GLIS3: variants seen among roughly 807,000 people sequenced by gnomAD.
GLIS3 encodes the protein zinc finger protein GLIS3.
A neutral mutation model predicts 78.6 loss-of-function variants in GLIS3; 53 were observed. The ratio of observed to expected loss-of-function variants is 0.67; its 90% confidence interval spans 0.54 to 0.85. The LOEUF is 0.85. Ranked by LOEUF, GLIS3 falls within the 40% of genes least tolerant of loss-of-function variation. The pLI is 0.00. For missense variants in GLIS3, 1,703 were observed against 1,231.1 expected (o/e 1.38, Z -5.74); for synonymous variants, 684 against 509.9 (o/e 1.34, Z -4.60).
rs915663319 is a variant in GLIS3, at chr9:4,314,812, G to T, written n.265-4284C>A. 3.3e-5 allele frequency among the ~76,000 whole-genome samples: 5 copies of T among 152,158 alleles called. No individual in the cohort carries two copies. The South Asian group carries it at 1.0e-3, about 32-fold the overall frequency. On this transcript the variant is annotated intron_variant and non_coding_transcript_variant, in intron 2 of 4. Coordinates refer to the GLIS3 transcript ENST00000471664. The stretch of plus-strand genomic sequence containing the variant: ...AACCTCTGTCCCTGAGCCTTCATAG[G>T]GCTGTAGGGAGAATGGATGAACCAA...
intron 2 of GLIS3, among the ~76,000 whole-genome samples, chr9:4,173,817 CACTGGAAAAT>C (rs1184836132): frequency 8.6e-5 from 13 of 151,970 alleles, no homozygotes; most frequent in Admixed American, 3.3e-4. Flanking sequence ...TAAAATTTAA[CACTGGAAAAT>C]ACTGGAAAAT....
At chr9:3,923,561 T>A (rs146926422) in intron 6 of GLIS3, among the ~76,000 whole-genome samples, 1 of 139,008 alleles carries the variant, frequency 7.2e-6, no homozygotes, top group East Asian at 2.2e-4. Context: ...GTAGAGCCCA[T>A]GTGCAAGTGT....
At chr9:4,059,892 A>ACTACTACTACT in intron 4 of GLIS3, among the ~76,000 whole-genome samples, 1 of 138,618 alleles carries the variant, frequency 7.2e-6, no homozygotes, top group East Asian at 2.2e-4. Flanking sequence ...CTCTCCTACT[A>ACTACTACTACT]GCTCAAAAAA....
chr9:4,012,923 C>T (rs1414255735), intron 4 of GLIS3, among the ~76,000 whole-genome samples: 8 of 151,810 alleles, frequency 5.3e-5, no homozygotes, highest in Non-Finnish European at 1.0e-4. Context: ...CAGGTGCCCG[C>T]CACCACGCCC....
At chr9:4,140,885 G>A (rs915914864) in intron 2 of GLIS3, among the ~76,000 whole-genome samples, 6 of 150,610 alleles carry the variant, frequency 4.0e-5, no homozygotes, top group Non-Finnish European at 8.8e-5. Context: ...TGCAACCTCC[G>A]CCTCCTGGGT....
At chr9:4,056,005 G>A (rs1826125249) in intron 4 of GLIS3, among the ~76,000 whole-genome samples, 1 of 152,180 alleles carries the variant, frequency 6.6e-6, no homozygotes, top group African/African-American at 2.4e-5. Context: ...GAATGGTGAA[G>A]GACTGATAGG....
the GLIS3 span, among the ~76,000 whole-genome samples, chr9:4,364,574 C>G: frequency 6.6e-6 from 1 of 151,954 alleles, no homozygotes; most frequent in East Asian, 1.9e-4. Flanking sequence ...ATTGCTGAGG[C>G]TCAAAATGTC....
At chr9:3,913,972 C>T (rs1470507871) in intron 6 of GLIS3, among the ~76,000 whole-genome samples, 1 of 152,178 alleles carries the variant, frequency 6.6e-6, no homozygotes, top group Non-Finnish European at 1.5e-5. Context: ...CCATGCTTAA[C>T]CTTTGGGGTA....
chr9:4,085,225 C>G (rs191892615), intron 4 of GLIS3, among the ~76,000 whole-genome samples: 1 of 152,108 alleles, frequency 6.6e-6, no homozygotes, highest in East Asian at 1.9e-4. Flanking sequence ...TGTCATTCCG[C>G]CTTTATAATC....
At chr9:4,132,130 T>C (rs1006879825) in intron 2 of GLIS3, among the ~76,000 whole-genome samples, 1 of 152,056 alleles carries the variant, frequency 6.6e-6, no homozygotes, top group Non-Finnish European at 1.5e-5. Flanking sequence ...CTTTTCTGAC[T>C]ACCAGATGTG....
chr9:3,956,345 A>G (rs1029440158), intron 4 of GLIS3, among the ~76,000 whole-genome samples: 7 of 152,186 alleles, frequency 4.6e-5, no homozygotes, highest in Non-Finnish European at 1.0e-4. Context: ...GTTACAACCA[A>G]CCGCCATGAG....
chr9:4,108,009 A>T (rs1337005957), intron 4 of GLIS3, among the ~76,000 whole-genome samples: 6 of 152,190 alleles, frequency 3.9e-5, no homozygotes, highest in Non-Finnish European at 1.5e-5. Flanking sequence ...TCGTTGAGCC[A>T]CGTGCTATGG....
intron 4 of GLIS3, among the ~76,000 whole-genome samples, chr9:4,079,529 G>C (rs1168287200): frequency 6.6e-6 from 1 of 152,178 alleles, no homozygotes; most frequent in Non-Finnish European, 1.5e-5. Flanking sequence ...CCTGTCATCA[G>C]CGGAGGTCAG....
intron 2 of GLIS3, among the ~76,000 whole-genome samples, chr9:4,213,973 A>T: frequency 6.6e-6 from 1 of 152,234 alleles, no homozygotes; most frequent in Non-Finnish European, 1.5e-5. Flanking sequence ...TAAACAAAAA[A>T]AATTTCAGAG....
At chr9:4,210,990 T>A (rs1301630241) in intron 2 of GLIS3, among the ~76,000 whole-genome samples, 1 of 152,200 alleles carries the variant, frequency 6.6e-6, no homozygotes, top group Non-Finnish European at 1.5e-5. Flanking sequence ...AAATTTGGAA[T>A]CTGTACCACA....
At chr9:4,236,913 A>C (rs1005288043) in intron 2 of GLIS3, among the ~76,000 whole-genome samples, 1 of 152,298 alleles carries the variant, frequency 6.6e-6, no homozygotes, top group Admixed American at 6.5e-5. Context: ...ATTCATTAAA[A>C]ATATTTTTTT....
rs545180301 is a variant in GLIS3, at chr9:4,153,526, T to C, written c.389-27585A>G. On this transcript the variant is annotated intron_variant, in intron 2 of 10. Coordinates refer to ENST00000381971, the MANE Select transcript of GLIS3 (RefSeq NM_001042413.2). ...TTGCAGTGAGCTGAGATCACACCAC[T>C]ACACTCCAGCCTGGGCAACACAGTG... 4.1e-3 allele frequency among the ~76,000 whole-genome samples: 625 copies of C among 152,302 alleles called. 4 individuals carry two copies. The highest frequency in any genetic ancestry group is 7.1e-3 in the Non-Finnish European group (483 of 68,024).
chr9:3,982,374 G>A (rs1262664093), intron 4 of GLIS3, among the ~76,000 whole-genome samples: 1 of 151,958 alleles, frequency 6.6e-6, no homozygotes, highest in Non-Finnish European at 1.5e-5. Flanking sequence ...CCCTACCCCA[G>A]TACAGTCCTA....
chr9:4,432,216 TAG>T, the GLIS3 span, among the ~76,000 whole-genome samples: 7,085 of 152,290 alleles, frequency 0.047, 369 homozygotes, highest in East Asian at 0.26. Flanking sequence ...GGTCAGTGTA[TAG>T]GAGTTGCCAA....
Sources: gnomAD v4.1 joint callset for allele counts (sites outside exome capture counted in the v4.1 genomes callset) on GRCh38, gnomAD v4.1.1 for gene constraint, MANE v1.5 for transcripts, NCBI Gene and HGNC (gene_info 2026-07-23, HGNC 2026-07-21) for gene names.